The following HS6ST2 variants were observed in gnomAD, a reference collection of about 807,000 sequenced individuals.
HS6ST2 encodes the protein heparan sulfate 6-O-sulfotransferase 2.
Under a neutral mutation model 33.0 loss-of-function variants are expected in HS6ST2, and 17 were observed. The observed-to-expected ratio is 0.52, with a 90% CI of 0.35 to 0.77. HS6ST2 has a LOEUF of 0.77. Ranked by LOEUF, HS6ST2 falls within the 30% of genes least tolerant of loss-of-function variation. The probability of loss-of-function intolerance (pLI) is 0.01; values close to 1 mark genes in which losing one functional copy is unlikely to be tolerated. For missense variants in HS6ST2, 519 were observed against 551.7 expected (o/e 0.94, Z 0.59); for synonymous variants, 248 against 237.1 (o/e 1.05, Z -0.42).
chrX:132,649,624 G>GCC (rs2063673759), intron 4 of HS6ST2, among the ~76,000 whole-genome samples: 1 of 112,118 alleles, frequency 8.9e-6, no homozygotes, highest in East Asian at 2.8e-4. Flanking sequence ...TTGAGAGGCT[G>GCC]AAGCAGGTGG....
intron 2 of HS6ST2, among the ~76,000 whole-genome samples, chrX:132,917,553 C>G (rs1310981353): frequency 9.2e-6 from 1 of 108,963 alleles, no homozygotes. Context: ...TGAGCAAAGA[C>G]TGCACCACTG....
At chrX:132,711,470 C>A (rs1188309941) in intron 2 of HS6ST2, among the ~76,000 whole-genome samples, 1 of 111,615 alleles carries the variant, frequency 9.0e-6, no homozygotes, top group African/African-American at 3.3e-5. Context: ...TGATCTTGGG[C>A]AAATTCTCTT....
At chrX:132,880,154 A>G (rs914244393) in intron 2 of HS6ST2, among the ~76,000 whole-genome samples, 1 of 111,904 alleles carries the variant, frequency 8.9e-6, no homozygotes, top group Non-Finnish European at 1.9e-5. Context: ...TTATTCACTG[A>G]TGTATTTCTC....
intron 2 of HS6ST2, among the ~76,000 whole-genome samples, chrX:132,827,211 C>A (rs1218985742): frequency 9.0e-6 from 1 of 111,579 alleles, no homozygotes; most frequent in Non-Finnish European, 1.9e-5. Flanking sequence ...GTCTTCCCAA[C>A]AGAACCCCAT....
intron 2 of HS6ST2, among the ~76,000 whole-genome samples, chrX:132,888,902 G>T (rs945506166): frequency 9.9e-5 from 11 of 111,144 alleles, no homozygotes; most frequent in African/African-American, 3.3e-4. Flanking sequence ...TACTTCGTGT[G>T]CCATTCACTG....
chrX:132,935,028 A>G (rs1021885609), intron 2 of HS6ST2, among the ~76,000 whole-genome samples: 2 of 112,159 alleles, frequency 1.8e-5, no homozygotes, highest in Non-Finnish European at 3.8e-5. Flanking sequence ...AAGTTTTATA[A>G]TGATAAAGAA....
At chrX:132,857,474 A>G (rs2065863413) in intron 2 of HS6ST2, among the ~76,000 whole-genome samples, 1 of 104,609 alleles carries the variant, frequency 9.6e-6, no homozygotes, top group Non-Finnish European at 2.0e-5. Context: ...ACAGAGTGAG[A>G]CTCTGTCTCA....
At position 132,820,797 on chromosome X, in the gene HS6ST2, T is replaced by G. The variant is rs2065445800; in HGVS notation, c.948-112303A>C. ...GGAGTGCTCTTCCATTCAATCAGAA[T>G]TGAAAGGTCATTAGGCTGATGATAG... is the stretch of plus-strand genomic sequence containing the variant. On this transcript the variant is annotated intron_variant, in intron 2 of 4. Transcript: ENST00000370833. 2.7e-5 allele frequency among the ~76,000 whole-genome samples: 3 copies of G among 110,727 alleles called. No individual in the cohort carries two copies. In the South Asian group the frequency reaches 1.2e-3, roughly 43 times the overall value.
chrX:132,842,342 AT>A (rs2065714467), intron 2 of HS6ST2, among the ~76,000 whole-genome samples: 1 of 111,696 alleles, frequency 9.0e-6, no homozygotes, highest in South Asian at 3.7e-4. Context: ...CAGCAGTTTC[AT>A]TTATTTATTT....
intron 2 of HS6ST2, among the ~76,000 whole-genome samples, chrX:132,790,307 G>A (rs749815656): frequency 1.0e-3 from 115 of 112,009 alleles, no homozygotes; most frequent in Middle Eastern, 4.6e-3. Flanking sequence ...TTAGATGATA[G>A]CCTCTTTTTT....
intron 2 of HS6ST2, among the ~76,000 whole-genome samples, chrX:132,809,934 G>T (rs938993924): frequency 1.8e-5 from 2 of 111,967 alleles, no homozygotes; most frequent in African/African-American, 6.5e-5. Context: ...GTTCGTTTCA[G>T]CATCTGCCTC....
chrX:132,958,155 C>A lies in HS6ST2; in HGVS notation c.428+20G>T. 1 of 1,109,042 alleles carries A rather than the reference C, an allele frequency of 9.0e-7. No homozygotes were observed. The highest frequency in any genetic ancestry group is 3.2e-5 in the East Asian group (1 of 31,585). 91.4% of individuals were successfully genotyped at this position (1,109,042 alleles called of 1,213,427 possible). On this transcript the variant is annotated intron_variant, in intron 1 of 4. Coordinates refer to ENST00000370833, the MANE Select transcript of HS6ST2 (RefSeq NM_001394073.1). ...CGCCCTGGCCTGGGAGCGCGAACCC[C>A]GCTTTCACCTAGAACGTACCTGGCC...
rs780394478 is a variant in HS6ST2, at chrX:132,804,432, C to A, written c.948-95938G>T. Among the ~76,000 whole-genome samples the A allele has an allele frequency of 1.8e-4, 20 of 111,890 alleles. No individual in the cohort carries two copies. The South Asian group carries it at 7.6e-3, about 43-fold the overall frequency. ...TCATCTTGAGGAAGAAGGCAGAAGC[C>A]CACAAGTTGCTATACTACATGGTGT... On this transcript the variant is annotated intron_variant, in intron 2 of 4. Transcript: ENST00000370833.
intron 2 of HS6ST2, among the ~76,000 whole-genome samples, chrX:132,930,370 G>T (rs1270369940): frequency 9.1e-6 from 1 of 110,476 alleles, no homozygotes; most frequent in Non-Finnish European, 1.9e-5. Context: ...TCGTCATGCT[G>T]GCCAGGCTGG....
At chrX:132,711,245 C>A (rs2064229081) in intron 2 of HS6ST2, among the ~76,000 whole-genome samples, 1 of 111,650 alleles carries the variant, frequency 9.0e-6, no homozygotes, top group South Asian at 3.8e-4. Flanking sequence ...GTGGATTCAT[C>A]CTAATCAGGA....
At chrX:132,745,988 C>G (rs915309544) in intron 2 of HS6ST2, among the ~76,000 whole-genome samples, 1 of 111,827 alleles carries the variant, frequency 8.9e-6, no homozygotes, top group Non-Finnish European at 1.9e-5. Flanking sequence ...TGACAGACAA[C>G]GCTTCCTACA....
At chrX:132,885,405 TA>T (rs778405552) in intron 2 of HS6ST2, among the ~76,000 whole-genome samples, 9 of 110,588 alleles carry the variant, frequency 8.1e-5, no homozygotes, top group East Asian at 5.7e-4. Context: ...TATATCTCAA[TA>T]AAAAAAATGA....
At chrX:132,643,250 A>G (rs996774342) in intron 4 of HS6ST2, among the ~76,000 whole-genome samples, 1 of 110,340 alleles carries the variant, frequency 9.1e-6, no homozygotes. Flanking sequence ...GCAAAACGGG[A>G]TCTTACTTCA....
At chrX:132,688,311 T>C (rs2064035009) in intron 3 of HS6ST2, among the ~76,000 whole-genome samples, 1 of 112,075 alleles carries the variant, frequency 8.9e-6, no homozygotes, top group South Asian at 3.8e-4. Flanking sequence ...TATATGGTCA[T>C]AATGGTATGA....
Sources: gnomAD v4.1 joint callset for allele counts (sites outside exome capture counted in the v4.1 genomes callset) on GRCh38, gnomAD v4.1.1 for gene constraint, MANE v1.5 for transcripts, NCBI Gene and HGNC (gene_info 2026-07-23, HGNC 2026-07-21) for gene names.